Variants in HIVEP3 observed in about 807,000 individuals in gnomAD.
The protein encoded by HIVEP3 is HIVEP zinc finger 3.
HIVEP3 carries 49 observed loss-of-function variants against 152.8 expected under a neutral mutation model. The ratio of observed to expected loss-of-function variants is 0.32; its 90% CI spans 0.26 to 0.41. HIVEP3 has a LOEUF of 0.41. Among genes scored for constraint, HIVEP3 ranks in the 10% least tolerant of loss-of-function variants. The pLI, the probability that HIVEP3 is intolerant of heterozygous loss-of-function variation, is 1.00. For synonymous variants in HIVEP3, 1,269 were observed against 1,289.0 expected (o/e 0.98, Z 0.33); for missense variants, 2,790 against 3,103.3 (o/e 0.90, Z 2.40).
chr1:41,528,282 ACAC>A (rs1643079876), intron 5 of HIVEP3, among the ~76,000 whole-genome samples: 3 of 57,086 alleles, frequency 5.3e-5, no homozygotes, highest in Non-Finnish European at 1.0e-4. Context: ...ACCCTCACAT[ACAC>A]CCCCACACTC....
rs760153591 is a variant in HIVEP3 at position 41,582,861 on chromosome 1, T to C, written c.1937A>G (p.Asn646Ser). The C allele has an allele frequency of 1.2e-6, 2 of 1,614,196 alleles. No homozygotes were observed. The highest frequency in any genetic ancestry group is 2.2e-5 in the South Asian group (2 of 91,082). The change falls in exon 4 of 9, where the codon AAC becomes AGC. Residue 646 changes from asparagine to serine, a missense_variant. Transcript: ENST00000372583. This position sits in a 1 kb window ranked among gnomAD's most constrained non-coding sequence, Gnocchi z 4.7. ...TTTCTTGTACCGAGCACCACATATG[T>C]TACATTCGTAGATCACCCCTTTTGT... Reference protein sequence around the residue: ...LKTKGVIYECNICGARYKKRD... With the variant: ...LKTKGVIYECSICGARYKKRD...
intron 1 of HIVEP3, among the ~76,000 whole-genome samples, chr1:41,897,579 A>G (rs1461376521): frequency 6.6e-6 from 1 of 152,214 alleles, no homozygotes; most frequent in Non-Finnish European, 1.5e-5. Flanking sequence ...AGCAGTACAT[A>G]AATTACCCAT....
intron 2 of HIVEP3, among the ~76,000 whole-genome samples, chr1:41,644,370 GA>G (rs1645426028): frequency 6.6e-6 from 1 of 152,144 alleles, no homozygotes; most frequent in African/African-American, 2.4e-5. Context: ...ACGTGACCAA[GA>G]ACAAATCACA....
chr1:41,678,011 T>C (rs1645982602), intron 2 of HIVEP3, among the ~76,000 whole-genome samples: 1 of 152,228 alleles, frequency 6.6e-6, no homozygotes, highest in African/African-American at 2.4e-5. Flanking sequence ...CTCTCTGTGC[T>C]GGGCTGTCTG....
chr1:41,542,777 G>A (rs1227403318), intron 5 of HIVEP3: 2 of 161,674 alleles, frequency 1.2e-5, no homozygotes, highest in Admixed American at 1.2e-4. Context: ...GTGCTGAAGA[G>A]CAGGCTTCAG....
At chr1:41,549,657 C>T (rs1419829877) in intron 5 of HIVEP3, among the ~76,000 whole-genome samples, 1 of 152,206 alleles carries the variant, frequency 6.6e-6, no homozygotes, top group African/African-American at 2.4e-5. Flanking sequence ...TGTCTGTTGG[C>T]TGCATAAATG....
intron 1 of HIVEP3, among the ~76,000 whole-genome samples, chr1:42,032,904 A>G (rs1175050273): frequency 6.6e-6 from 1 of 152,102 alleles, no homozygotes; most frequent in Non-Finnish European, 1.5e-5. Flanking sequence ...CAAGAGCACA[A>G]GCTAGAACAG....
intron 1 of HIVEP3, among the ~76,000 whole-genome samples, chr1:41,823,446 A>C (rs188025959): frequency 4.3e-4 from 66 of 152,356 alleles, no homozygotes; most frequent in Admixed American, 1.2e-3. Flanking sequence ...CACAGTGAGT[A>C]GCAGATAAGA....
chr1:41,830,719 C>T (rs1256405746), intron 1 of HIVEP3, among the ~76,000 whole-genome samples: 1 of 152,202 alleles, frequency 6.6e-6, no homozygotes, highest in African/African-American at 2.4e-5. Context: ...AATTGCATCA[C>T]AGTTCAACTT....
intron 2 of HIVEP3, among the ~76,000 whole-genome samples, chr1:41,650,853 C>T (rs760284821): frequency 2.0e-5 from 3 of 152,186 alleles, no homozygotes; most frequent in Non-Finnish European, 2.9e-5. Flanking sequence ...AGGATCATTT[C>T]TTTCTTTTGA....
At chr1:41,956,073 C>T (rs1047195812) in intron 1 of HIVEP3, among the ~76,000 whole-genome samples, 1 of 152,242 alleles carries the variant, frequency 6.6e-6, no homozygotes, top group Non-Finnish European at 1.5e-5. Context: ...GGAGTCATTA[C>T]CTCCTCTGGT....
intron 1 of HIVEP3, among the ~76,000 whole-genome samples, chr1:41,993,036 C>T (rs1645372927): frequency 6.7e-6 from 1 of 149,240 alleles, no homozygotes; most frequent in South Asian, 2.1e-4. Context: ...GACCTAAAAC[C>T]ATAAAAACCC....
chr1:41,583,857 G>A lies in HIVEP3; in HGVS notation c.941C>T (p.Ser314Phe). The stretch of plus-strand genomic sequence containing the variant: ...TTCGTGGCTGGAACTGTGGCTCCCA[G>A]AGCTGTATAGCCCGCTGGAGAGAAG... Reference protein sequence around the residue: ...QPLLSSGLYSSGSHSSSHERC... With the variant: ...QPLLSSGLYSFGSHSSSHERC... Residue 314 changes from serine to phenylalanine, a missense_variant, in exon 4 of 9, where the codon TCT becomes TTT. Physicochemically the swap from Ser to Phe is radical, Grantham distance 155 (BLOSUM62 -2). Around this residue, in one of 9 missense-constraint regions of HIVEP3, gnomAD observed 125 missense variants for 130.1 expected, o/e 0.96. Coordinates refer to ENST00000372583, the MANE Select transcript of HIVEP3 (RefSeq NM_024503.5). This position sits in a 1 kb window ranked among gnomAD's most constrained non-coding sequence, Gnocchi z 6.9. The A allele has an allele frequency of 6.2e-7, 1 of 1,612,550 alleles. No individual in the cohort carries two copies. Among genetic ancestry groups the A allele is most frequent in the Non-Finnish European group, 8.5e-7 (1 of 1,179,152 alleles).
intron 1 of HIVEP3, among the ~76,000 whole-genome samples, chr1:41,705,435 C>A (rs2124135859): frequency 6.6e-6 from 1 of 152,308 alleles, no homozygotes; most frequent in South Asian, 2.1e-4. Flanking sequence ...CCTTCCACTC[C>A]CTGAACTTGA....
chr1:41,824,535 C>A (rs535456638), intron 1 of HIVEP3, among the ~76,000 whole-genome samples: 1 of 152,068 alleles, frequency 6.6e-6, no homozygotes, highest in South Asian at 2.1e-4. Context: ...TCGCTGTGCA[C>A]TGACAACCTC....
At chr1:41,545,038 A>T (rs926778118) in intron 5 of HIVEP3, among the ~76,000 whole-genome samples, 6 of 16,626 alleles carry the variant, frequency 3.6e-4, no homozygotes, top group African/African-American at 1.2e-3. Context: ...ACCACCACCA[A>T]TACCACTACC....
Position 41,582,152 on chromosome 1 carries a change from C to T in HIVEP3, c.2646G>A (p.Glu882=). ...GGCTGCGCTGGGGCCATTGGAACTC[C>T]TCAGTCTTCTCAGGTTCCTTAGGGG... ...EPPPKEPEKT[E]EFQWPQRSQT... Residue 882 remains glutamate (E), a synonymous_variant, in exon 4 of 9, where the codon GAG becomes GAA. Transcript: ENST00000372583. The surrounding 1 kb of genome is among the most constrained non-coding windows in gnomAD (Gnocchi z 4.7). The T allele has an allele frequency of 1.2e-6, 2 of 1,614,066 alleles. No individual in the cohort carries two copies. Among genetic ancestry groups the T allele is most frequent in the South Asian group, 1.1e-5 (1 of 91,072 alleles).
chr1:42,012,055 C>T (rs898093967), intron 1 of HIVEP3, among the ~76,000 whole-genome samples: 1 of 152,172 alleles, frequency 6.6e-6, no homozygotes, highest in Non-Finnish European at 1.5e-5. Flanking sequence ...AGACAGGAAA[C>T]TAGGTATCTT....
chr1:41,585,037 C>G lies in HIVEP3; in HGVS notation c.-240G>C. ...GAGGCATGGCCCTCTACTTTGCAGACAGAAAACGCACCAGCACTTTCTGCC... is the reference window on the plus strand; with the variant it reads ...GAGGCATGGCCCTCTACTTTGCAGAGAGAAAACGCACCAGCACTTTCTGCC... On this transcript the variant is annotated 5_prime_UTR_variant, in exon 4 of 9. Transcript: ENST00000372583. The G allele has an allele frequency of 5.0e-6, 2 of 403,130 alleles. No individual in the cohort carries two copies. Among genetic ancestry groups the G allele is most frequent in the Non-Finnish European group, 4.4e-6 (1 of 229,184 alleles). The allele number at this position is 403,130 out of a possible 1,614,324, so 25.0% of individuals were successfully genotyped here.
Sources: gnomAD v4.1 joint callset for allele counts (sites outside exome capture counted in the v4.1 genomes callset) on GRCh38, gnomAD v4.1.1 for gene constraint, gnomAD v4.1.1 regional missense constraint, Gnocchi (gnomAD v3.1) non-coding constraint, MANE v1.5 for transcripts, NCBI Gene and HGNC (gene_info 2026-07-23, HGNC 2026-07-21) for gene names.